The following KIF13A variants were observed in gnomAD, a reference collection of about 807,000 sequenced individuals.
KIF13A encodes kinesin family member 13A.
KIF13A carries 79 observed loss-of-function variants against 212.2 expected under a neutral mutation model. The ratio of observed to expected loss-of-function variants is 0.37; its 90% CI spans 0.31 to 0.45. KIF13A has a LOEUF of 0.45. Among genes scored for constraint, KIF13A ranks in the 20% least tolerant of loss-of-function variants. The pLI is 1.00. For synonymous variants in KIF13A, 789 were observed against 808.6 expected, an observed-to-expected ratio of 0.98 and a Z score of 0.41; for missense variants, 1,901 against 2,209.0, an observed-to-expected ratio of 0.86 and a Z score of 2.79.
At chr6:17,935,717 T>C (rs1484715197) in intron 2 of KIF13A, among the ~76,000 whole-genome samples, 1 of 152,192 alleles carries the variant, frequency 6.6e-6, no homozygotes, top group Non-Finnish European at 1.5e-5. Context: ...TGAACAAAAA[T>C]GTTTATCCAC....
rs553344113 is a variant in KIF13A at position 17,847,465 on chromosome 6, A to C, written c.830+1912T>G. Among the ~76,000 whole-genome samples, 220 of 152,322 alleles carry C rather than the reference A, an allele frequency of 1.4e-3. 1 individual carries two copies. Among genetic ancestry groups the C allele is most frequent in the African/African-American group, 5.1e-3 (214 of 41,558 alleles). ...GAGTACGGCTGTGTCCATCTGATAG[A>C]GGGGCCACTATTTTACTTCTAATTT... On this transcript the variant is annotated intron_variant, in intron 9 of 38. Transcript: ENST00000259711.
chr6:17,855,823 C>T lies in KIF13A; in HGVS notation c.314-206G>A, dbSNP rs986814193. On this transcript the variant is annotated intron_variant, in intron 5 of 38. Transcript: ENST00000259711. This position sits in a 1 kb window ranked among gnomAD's most constrained non-coding sequence, Gnocchi z 4.1. Reference sequence around the variant, plus strand: ...CAAACTCCTGGGCTCAAGCCATCCTCCCACCTCAGTCTCCCAAGAAGCTGG... The same window carrying T: ...CAAACTCCTGGGCTCAAGCCATCCTTCCACCTCAGTCTCCCAAGAAGCTGG... Among the ~76,000 whole-genome samples, 56 of 152,252 alleles carry T rather than the reference C, an allele frequency of 3.7e-4. 1 individual carries two copies. Among genetic ancestry groups the T allele is most frequent in the Non-Finnish European group, 3.2e-4 (22 of 68,012 alleles).
Position 17,828,861 on chromosome 6 carries a change from C to T in KIF13A, c.1402-491G>A, listed in dbSNP as rs1196839639. Among the ~76,000 whole-genome samples, 1 of 151,924 alleles carries T rather than the reference C, an allele frequency of 6.6e-6. No homozygotes were observed. Among genetic ancestry groups the T allele is most frequent in the Non-Finnish European group, 1.5e-5 (1 of 68,008 alleles). On this transcript the variant is annotated intron_variant, in intron 13 of 38. Transcript: ENST00000259711. The surrounding 1 kb of genome is among the most constrained non-coding windows in gnomAD (Gnocchi z 4.3). Reference sequence around the variant, plus strand: ...ATTGACAGTAATATTTTAAAATATTCAACTTTGAAAATGCTAAAAATTTTG... The same window carrying T: ...ATTGACAGTAATATTTTAAAATATTTAACTTTGAAAATGCTAAAAATTTTG...
chr6:17,964,472 TA>T (rs1032621749), intron 2 of KIF13A, among the ~76,000 whole-genome samples: 42 of 152,034 alleles, frequency 2.8e-4, no homozygotes, highest in African/African-American at 9.9e-4. Context: ...AAGCAAAAAT[TA>T]AAATAAGTAC....
chr6:17,856,124 TA>T lies in KIF13A; in HGVS notation c.221-3del. On this transcript the variant is annotated splice_region_variant and splice_polypyrimidine_tract_variant and intron_variant, in intron 4 of 38. Transcript: ENST00000259711. The surrounding 1 kb of genome is among the most constrained non-coding windows in gnomAD (Gnocchi z 4.5). ...GGCACTTGAAAACCACTTCTTGACC[TA>T]AAAAACAAGACAAATATTAAAAACT... 6.3e-7 allele frequency: 1 copy of T among 1,595,002 alleles called. No homozygotes were observed. The highest frequency in any genetic ancestry group is 8.6e-7 in the Non-Finnish European group (1 of 1,165,798).
intron 9 of KIF13A, among the ~76,000 whole-genome samples, chr6:17,845,521 G>A (rs182171950): frequency 7.9e-5 from 12 of 152,288 alleles, no homozygotes; most frequent in African/African-American, 2.2e-4. Flanking sequence ...GACTGGGAAC[G>A]ATACCCATTA....
At chr6:17,858,023 GA>G (rs1239610713) in intron 4 of KIF13A, among the ~76,000 whole-genome samples, 1 of 151,074 alleles carries the variant, frequency 6.6e-6, no homozygotes, top group Non-Finnish European at 1.5e-5. Flanking sequence ...AACATTAAGT[GA>G]AAAAAAAGCC....
rs573016406 is a variant in KIF13A at position 17,794,218 on chromosome 6, T to C, written c.3222+31A>G. 3.2e-5 allele frequency: 50 copies of C among 1,578,822 alleles called. No homozygotes were observed. The South Asian group carries it at 5.3e-4, about 17-fold the overall frequency. On this transcript the variant is annotated intron_variant, in intron 25 of 38. Coordinates refer to ENST00000259711, the MANE Select transcript of KIF13A (RefSeq NM_022113.6). This position sits in a 1 kb window ranked among gnomAD's most constrained non-coding sequence, Gnocchi z 4.1. ...TGGGACCTGCATTAACCAAGCTTTG[T>C]TAAATACTATTTTAAGTCTGCTTGT... is the stretch of plus-strand genomic sequence containing the variant.
intron 2 of KIF13A, among the ~76,000 whole-genome samples, chr6:17,964,891 C>T (rs564852913): frequency 4.0e-5 from 6 of 150,728 alleles, no homozygotes; most frequent in Admixed American, 1.3e-4. Context: ...GGTGTGATCT[C>T]GGCCCAATGC....
At position 17,843,612 on chromosome 6, in the gene KIF13A, A is replaced by G. The variant is rs1307085795; in HGVS notation, c.830+5765T>C. Among the ~76,000 whole-genome samples, 1 of 152,224 alleles carries G rather than the reference A, an allele frequency of 6.6e-6. No homozygotes were observed. The highest frequency in any genetic ancestry group is 2.4e-5 in the African/African-American group (1 of 41,460). ...CATGAAGATGACATGAACACACATTAAAGTTAGTAGAGCTGTGTGCATTTC... is the reference window on the plus strand; with the variant it reads ...CATGAAGATGACATGAACACACATTGAAGTTAGTAGAGCTGTGTGCATTTC... On this transcript the variant is annotated intron_variant, in intron 9 of 38. Transcript: ENST00000259711. The surrounding 1 kb of genome is among the most constrained non-coding windows in gnomAD (Gnocchi z 5.3).
At chr6:17,763,393 C>G (rs1434457862), downstream of KIF13A, among the ~76,000 whole-genome samples, 1 of 137,504 alleles carries the variant, frequency 7.3e-6, no homozygotes, top group Non-Finnish European at 1.5e-5. Context: ...TCACGTGAGC[C>G]AGGGAGGTGG....
chr6:17,944,814 GA>G (rs945369617), intron 2 of KIF13A, among the ~76,000 whole-genome samples: 3 of 151,410 alleles, frequency 2.0e-5, no homozygotes, highest in Admixed American at 6.6e-5. Context: ...CACCAATGGG[GA>G]AAAAAAACTA....
At chr6:17,859,635 TA>T (rs1405356788) in intron 4 of KIF13A, among the ~76,000 whole-genome samples, 1,471 of 109,084 alleles carry the variant, frequency 0.013, 45 homozygotes, top group African/African-American at 0.041. Context: ...TATATATATA[TA>T]TATTTTTTTT....
chr6:17,850,258 T>G lies in KIF13A; in HGVS notation c.717+65A>C. The G allele has an allele frequency of 6.7e-7, 1 of 1,482,068 alleles. No homozygotes were observed. Among genetic ancestry groups the G allele is most frequent in the Non-Finnish European group, 9.1e-7 (1 of 1,103,644 alleles). The allele number at this position is 1,482,068 out of a possible 1,614,324, so 91.8% of individuals were successfully genotyped here. ...CCACTGAACCCAACCATGAAAGACT[T>G]TACCTATATGGACACTTTCAGTTCT... On this transcript the variant is annotated intron_variant, in intron 8 of 38. Transcript: ENST00000259711. This position sits in a 1 kb window ranked among gnomAD's most constrained non-coding sequence, Gnocchi z 6.2.
At chr6:17,762,381 T>C (rs1269181248), downstream of KIF13A, among the ~76,000 whole-genome samples, 1 of 151,946 alleles carries the variant, frequency 6.6e-6, no homozygotes, top group Non-Finnish European at 1.5e-5. Flanking sequence ...TCCGGCTAAT[T>C]TTTGTATTTT....
At chr6:17,782,518 C>T (rs556050297) in intron 29 of KIF13A, among the ~76,000 whole-genome samples, 22 of 151,834 alleles carry the variant, frequency 1.4e-4, no homozygotes, top group Admixed American at 1.1e-3. Flanking sequence ...TGCCTGTAAT[C>T]CCAGCTACTT....
intron 25 of KIF13A, among the ~76,000 whole-genome samples, chr6:17,793,497 A>T (rs1417135284): frequency 2.0e-5 from 3 of 152,216 alleles, no homozygotes; most frequent in Admixed American, 2.0e-4. Context: ...TAAAATGAGA[A>T]TGTTTAGAAA....
intron 38 of KIF13A, among the ~76,000 whole-genome samples, chr6:17,767,346 C>T (rs992436241): frequency 1.2e-4 from 19 of 152,012 alleles, no homozygotes; most frequent in African/African-American, 4.6e-4. Context: ...CCTCTGCCTC[C>T]CGAGTTCAAG....
At chr6:17,890,096 G>A (rs926704051) in intron 3 of KIF13A, among the ~76,000 whole-genome samples, 11 of 151,110 alleles carry the variant, frequency 7.3e-5, no homozygotes, top group Admixed American at 7.3e-4. Context: ...GCTGAGGCAG[G>A]AGAATTGCTT....
Sources: gnomAD v4.1 joint callset for allele counts (sites outside exome capture counted in the v4.1 genomes callset) on GRCh38, gnomAD v4.1.1 for gene constraint, Gnocchi (gnomAD v3.1) non-coding constraint, MANE v1.5 for transcripts, NCBI Gene and HGNC (gene_info 2026-07-23, HGNC 2026-07-21) for gene names.